PDZD2: variants seen among roughly 807,000 people sequenced by gnomAD.
The protein encoded by PDZD2 is PDZ domain-containing protein 2.
In PDZD2, 90 loss-of-function variants were observed where a neutral mutation model predicts 220.7. The ratio of observed to expected loss-of-function variants is 0.41; its 90% CI spans 0.34 to 0.49. PDZD2 has a LOEUF of 0.49. PDZD2 is among the 20% of genes least tolerant of loss of function. The pLI is 0.28. For missense variants in PDZD2, 3,174 were observed against 3,608.5 expected (o/e 0.88, Z 3.08); for synonymous variants, 1,375 against 1,450.5 (o/e 0.95, Z 1.18).
At chr5:31,854,995 C>T in intron 2 of PDZD2, 3 of 985,430 alleles carry the variant, frequency 3.0e-6, no homozygotes, top group Non-Finnish European at 3.6e-6. Context: ...TCCAGGAGGG[C>T]AGCTGGCAGC....
intron 7 of PDZD2, among the ~76,000 whole-genome samples, chr5:32,046,031 G>T (rs1737918613): frequency 6.6e-6 from 1 of 152,010 alleles, no homozygotes; most frequent in African/African-American, 2.4e-5. Flanking sequence ...GATATATGAG[G>T]AATCTGTATA....
Position 32,067,979 on chromosome 5 carries a change from T to A in PDZD2, c.2452-1590T>A, listed in dbSNP as rs77280290. ...GATATTTACATAGTCTCAAACTGTT[T>A]CTTCACAGATTACTCATTAATGACT... On this transcript the variant is annotated intron_variant, in intron 14 of 24. Transcript: ENST00000438447. Among the ~76,000 whole-genome samples, 473 of 152,338 alleles carry A rather than the reference T, an allele frequency of 3.1e-3. 1 individual carries two copies. The highest frequency in any genetic ancestry group is 5.0e-3 in the Non-Finnish European group (337 of 68,026).
At chr5:31,853,693 A>G (rs1466185041) in intron 2 of PDZD2, among the ~76,000 whole-genome samples, 2 of 152,182 alleles carry the variant, frequency 1.3e-5, no homozygotes, top group Non-Finnish European at 2.9e-5. Context: ...GAATTCCACC[A>G]GATCTGTCCG....
In PDZD2 at chr5:31,763,667, C is replaced by T. The variant is rs554530767; in HGVS notation, c.-360-35222C>T. 2.0e-5 allele frequency among the ~76,000 whole-genome samples: 3 copies of T among 152,186 alleles called. No individual in the cohort carries two copies. The South Asian group carries it at 6.2e-4, about 32-fold the overall frequency. ...CAGACCCTCTTTCCTGGCATGGAGA[C>T]AGTGACTCAGCACCATGCAGACCAG... is the stretch of plus-strand genomic sequence containing the variant. On this transcript the variant is annotated intron_variant, in intron 1 of 24. Transcript: ENST00000438447.
chr5:31,788,304 G>C (rs1753495322), intron 1 of PDZD2, among the ~76,000 whole-genome samples: 1 of 152,134 alleles, frequency 6.6e-6, no homozygotes, highest in Non-Finnish European at 1.5e-5. Context: ...CCAGGAGGTG[G>C]AGGTTGCAGT....
intron 2 of PDZD2, among the ~76,000 whole-genome samples, chr5:31,899,773 G>A (rs989660162): frequency 6.6e-6 from 1 of 152,076 alleles, no homozygotes; most frequent in Non-Finnish European, 1.5e-5. Context: ...CTCATGAATG[G>A]GATTAGTGCC....
chr5:31,859,383 C>CT (rs1737470835), intron 2 of PDZD2, among the ~76,000 whole-genome samples: 1 of 152,076 alleles, frequency 6.6e-6, no homozygotes, highest in South Asian at 2.1e-4. Context: ...TTTCTATCTC[C>CT]TTTTAAAAAA....
intron 2 of PDZD2, among the ~76,000 whole-genome samples, chr5:31,922,503 C>A (rs922437542): frequency 6.6e-6 from 1 of 151,792 alleles, no homozygotes; most frequent in South Asian, 2.1e-4. Context: ...GAAATTACAC[C>A]CTGAATGCAG....
chr5:31,689,354 T>TATATATATA lies in PDZD2; in HGVS notation c.-361+49917_-361+49918insATATATATA, dbSNP rs1554063278. Among the ~76,000 whole-genome samples, 245 of 27,158 alleles carry TATATATATA rather than the reference T, an allele frequency of 9.0e-3. 1 individual carries two copies. The highest frequency in any genetic ancestry group is 0.023 in the South Asian group (17 of 736). 17.8% of individuals were successfully genotyped at this position (27,158 alleles called of 152,430 possible). On this transcript the variant is annotated intron_variant, in intron 1 of 24. Transcript: ENST00000438447. ...ACATATACATATATATATATATATA[T>TATATATATA]TTTTTTTTTTTTTTTTTTTAAGTCG...
At chr5:31,674,303 C>A (rs76471478) in intron 1 of PDZD2, among the ~76,000 whole-genome samples, 3 of 152,112 alleles carry the variant, frequency 2.0e-5, no homozygotes, top group African/African-American at 7.2e-5. Flanking sequence ...AAGAGAGTGA[C>A]TAATGAGTAA....
At chr5:31,883,619 ATT>A (rs34170782) in intron 2 of PDZD2, among the ~76,000 whole-genome samples, 6,119 of 133,506 alleles carry the variant, frequency 0.046, 389 homozygotes, top group African/African-American at 0.16. Context: ...ATCCTCTGTA[ATT>A]TTTTTTTTTT....
At chr5:31,774,069 A>G (rs1043029637) in intron 1 of PDZD2, among the ~76,000 whole-genome samples, 2 of 152,068 alleles carry the variant, frequency 1.3e-5, no homozygotes, top group African/African-American at 2.4e-5. Context: ...TAAATCACCA[A>G]TAACAGCTTT....
Position 32,058,886 on chromosome 5 carries a change from G to T in PDZD2, c.2201-353G>T, listed in dbSNP as rs111897548. ...GAAGATTAAACAACCAAGAGATTAT[G>T]TGTTAAAAAGAAAAGCAAAAGAAAG... On this transcript the variant is annotated intron_variant, in intron 12 of 24. Transcript: ENST00000438447. 9.7e-3 allele frequency among the ~76,000 whole-genome samples: 1,474 copies of T among 152,316 alleles called. 9 individuals carry two copies. The highest frequency in any genetic ancestry group is 0.02 in the Middle Eastern group (6 of 294).
At chr5:31,985,490 T>C (rs1750642195) in intron 3 of PDZD2, among the ~76,000 whole-genome samples, 1 of 150,828 alleles carries the variant, frequency 6.6e-6, no homozygotes, top group East Asian at 2.0e-4. Context: ...ATGCCAGGAG[T>C]TCAAGACCAG....
At chr5:32,062,683 C>T (rs538503538) in intron 14 of PDZD2, among the ~76,000 whole-genome samples, 14 of 152,300 alleles carry the variant, frequency 9.2e-5, no homozygotes, top group African/African-American at 2.4e-4. Flanking sequence ...CACGAGCCAC[C>T]GTGCCCGGCC....
intron 2 of PDZD2, among the ~76,000 whole-genome samples, chr5:31,911,627 A>T (rs1179364327): frequency 6.6e-6 from 1 of 152,180 alleles, no homozygotes; most frequent in Admixed American, 6.5e-5. Flanking sequence ...GCAGAAAGGG[A>T]TGTGTTAACG....
chr5:31,954,107 C>T (rs1165378887), intron 2 of PDZD2, among the ~76,000 whole-genome samples: 1 of 151,810 alleles, frequency 6.6e-6, no homozygotes, highest in Non-Finnish European at 1.5e-5. Flanking sequence ...CAGAGTGAGA[C>T]ACTGTCCCTG....
At chr5:31,676,801 G>A (rs767032074) in intron 1 of PDZD2, among the ~76,000 whole-genome samples, 16 of 151,822 alleles carry the variant, frequency 1.1e-4, no homozygotes, top group Non-Finnish European at 1.6e-4. Context: ...TGATCTGCCC[G>A]CCTCGGCCTC....
At chr5:31,688,942 T>C (rs385089) in intron 1 of PDZD2, among the ~76,000 whole-genome samples, 113,003 of 152,096 alleles carry the variant, frequency 0.74, 42,291 homozygotes, top group East Asian at 0.93. Flanking sequence ...TGTTGCCCTG[T>C]ATATGGAGGC....
Sources: gnomAD v4.1 joint callset for allele counts (sites outside exome capture counted in the v4.1 genomes callset) on GRCh38, gnomAD v4.1.1 for gene constraint, MANE v1.5 for transcripts, NCBI Gene and HGNC (gene_info 2026-07-23, HGNC 2026-07-21) for gene names.